FHIT: variants seen among roughly 807,000 people sequenced by gnomAD.
FHIT encodes the protein fragile histidine triad diadenosine triphosphatase, also known as bis(5'-adenosyl)-triphosphatase.
FHIT carries 19 observed loss-of-function variants against 17.9 expected under a neutral mutation model. The observed-to-expected ratio is 1.06, with a 90% CI of 0.74 to 1.56. The LOEUF (loss-of-function observed/expected upper bound fraction) is 1.56, where lower values mean the gene tolerates loss of function less well. Ranked by LOEUF, FHIT falls within the 40% of genes most tolerant of loss-of-function variation. FHIT has a pLI of 0.00. For missense variants in FHIT, 248 were observed against 189.2 expected, an observed-to-expected ratio of 1.31 and a Z score of -1.82; for synonymous variants, 81 against 69.7, an observed-to-expected ratio of 1.16 and a Z score of -0.81.
chr3:60,862,366 C>T (rs1703952273), intron 3 of FHIT, among the ~76,000 whole-genome samples: 1 of 151,948 alleles, frequency 6.6e-6, no homozygotes, highest in Admixed American at 6.6e-5. Context: ...CGCGGTCTCA[C>T]TTTGTTGCCC....
intron 5 of FHIT, among the ~76,000 whole-genome samples, chr3:60,524,132 T>C (rs901408559): frequency 4.0e-5 from 6 of 151,600 alleles, no homozygotes; most frequent in African/African-American, 1.5e-4. Flanking sequence ...GCAGAGGAGA[T>C]GCATTCATGA....
At chr3:61,061,448 G>C (rs7616887) in intron 2 of FHIT, among the ~76,000 whole-genome samples, 90,887 of 151,558 alleles carry the variant, frequency 0.6, 28,116 homozygotes, top group Non-Finnish European at 0.65. Context: ...TTCATAAATT[G>C]CTAACCCTAG....
chr3:61,047,017 C>A (rs193281444), intron 2 of FHIT, among the ~76,000 whole-genome samples: 33 of 152,312 alleles, frequency 2.2e-4, no homozygotes, highest in Admixed American at 2.1e-3. Context: ...CTATTTATGA[C>A]AAACCCACAG....
At chr3:60,678,040 G>A (rs2040663369) in intron 4 of FHIT, among the ~76,000 whole-genome samples, 1 of 151,668 alleles carries the variant, frequency 6.6e-6, no homozygotes. Context: ...ACTTTTATTT[G>A]GATCTTTTCT....
At chr3:60,764,912 A>T (rs1699796302) in intron 4 of FHIT, among the ~76,000 whole-genome samples, 1 of 152,182 alleles carries the variant, frequency 6.6e-6, no homozygotes, top group South Asian at 2.1e-4. Flanking sequence ...TCTATTTAGC[A>T]TTGAAACCAG....
chr3:60,323,119 A>C (rs1388021952), intron 5 of FHIT, among the ~76,000 whole-genome samples: 1 of 152,104 alleles, frequency 6.6e-6, no homozygotes, highest in East Asian at 1.9e-4. Flanking sequence ...AATATATAAA[A>C]TGTCTTAAAA....
chr3:60,746,257 G>A (rs1322685669), intron 4 of FHIT, among the ~76,000 whole-genome samples: 5 of 152,160 alleles, frequency 3.3e-5, no homozygotes, highest in Non-Finnish European at 7.3e-5. Context: ...AGGGAGTTAA[G>A]CAATGAGTCA....
At chr3:61,130,202 G>C (rs954897785) in intron 2 of FHIT, among the ~76,000 whole-genome samples, 3 of 151,826 alleles carry the variant, frequency 2.0e-5, no homozygotes, top group Non-Finnish European at 2.9e-5. Context: ...GCTATAGGAG[G>C]TCCAAGAAAA....
At chr3:60,103,564 G>C (rs1369268269) in intron 5 of FHIT, among the ~76,000 whole-genome samples, 1 of 152,066 alleles carries the variant, frequency 6.6e-6, no homozygotes, top group Non-Finnish European at 1.5e-5. Context: ...TAGAAGGTAA[G>C]GATTATTTCA....
chr3:60,340,114 C>A (rs961827497), intron 5 of FHIT, among the ~76,000 whole-genome samples: 2 of 151,928 alleles, frequency 1.3e-5, no homozygotes, highest in African/African-American at 4.8e-5. Flanking sequence ...GTTGTTCCAC[C>A]ATTAGCAATT....
At chr3:60,684,067 T>TTTA (rs1204354448) in intron 4 of FHIT, among the ~76,000 whole-genome samples, 3 of 152,186 alleles carry the variant, frequency 2.0e-5, no homozygotes, top group African/African-American at 7.2e-5. Context: ...AGTAGCTGGC[T>TTTA]TTATTATCTT....
In FHIT at chr3:60,883,298, A is replaced by G. The variant is rs1553758412; in HGVS notation, c.-110-61287T>C. ...TGTTAAAATGACAATGCTACCAAAA[A>G]CAATTTACAGATTTGATGTAAACCT... On this transcript the variant is annotated intron_variant, in intron 3 of 9. Coordinates refer to ENST00000492590, the MANE Select transcript of FHIT (RefSeq NM_002012.4). Among the ~76,000 whole-genome samples, 5 of 152,236 alleles carry G rather than the reference A, an allele frequency of 3.3e-5. No homozygotes were observed. The South Asian group carries it at 1.0e-3, about 32-fold the overall frequency.
At chr3:60,173,899 A>ATATATATATATATATATATATG in intron 5 of FHIT, among the ~76,000 whole-genome samples, 3 of 74,068 alleles carry the variant, frequency 4.1e-5, no homozygotes, top group Non-Finnish European at 7.3e-5. Context: ...ATATATATAT[A>ATATATATATATATATATATATG]TATATATATA....
At chr3:60,455,799 A>C (rs1006802993) in intron 5 of FHIT, among the ~76,000 whole-genome samples, 3 of 152,150 alleles carry the variant, frequency 2.0e-5, no homozygotes, top group African/African-American at 7.2e-5. Context: ...AATTATTTGA[A>C]TAAACATTGG....
At chr3:61,182,340 G>C (rs987853670) in intron 2 of FHIT, among the ~76,000 whole-genome samples, 7 of 152,080 alleles carry the variant, frequency 4.6e-5, no homozygotes, top group African/African-American at 4.8e-5. Flanking sequence ...TTCATGATTT[G>C]TATAATATCT....
intron 5 of FHIT, among the ~76,000 whole-genome samples, chr3:60,400,773 C>G (rs1328806417): frequency 1.3e-5 from 2 of 152,028 alleles, no homozygotes; most frequent in Non-Finnish European, 2.9e-5. Context: ...TTAGGGAGTA[C>G]GAAATCTCTC....
intron 3 of FHIT, among the ~76,000 whole-genome samples, chr3:60,986,458 G>A (rs565853185): frequency 1.3e-5 from 2 of 152,302 alleles, no homozygotes; most frequent in African/African-American, 4.8e-5. Context: ...TAAACAGTCT[G>A]AAATGCTGAT....
chr3:59,959,119 G>A (rs115017070), intron 7 of FHIT, among the ~76,000 whole-genome samples: 1,529 of 152,236 alleles, frequency 0.01, 26 homozygotes, highest in African/African-American at 0.034. Flanking sequence ...CTCCTTGCAC[G>A]TATAATGACA....
chr3:61,051,376 A>T (rs13314035), intron 2 of FHIT, among the ~76,000 whole-genome samples: 20,184 of 151,866 alleles, frequency 0.13, 1,409 homozygotes, highest in South Asian at 0.18. Context: ...CAGCCTCCCA[A>T]ATAGCTGGGA....
Sources: gnomAD v4.1 joint callset for allele counts (sites outside exome capture counted in the v4.1 genomes callset) on GRCh38, gnomAD v4.1.1 for gene constraint, MANE v1.5 for transcripts, NCBI Gene and HGNC (gene_info 2026-07-23, HGNC 2026-07-21) for gene names.